XKR6: variants seen among roughly 807,000 people sequenced by gnomAD.
XKR6 encodes XK related 6, also known as XK-related protein 6.
In XKR6, 22 loss-of-function variants were observed where a neutral mutation model predicts 56.7. That is an observed-to-expected ratio of 0.39 (90% CI 0.28 to 0.55). XKR6 has a LOEUF of 0.55. XKR6 is among the 20% of genes least tolerant of loss of function. The pLI, the probability that XKR6 is intolerant of heterozygous loss-of-function variation, is 0.66. For synonymous variants in XKR6, 524 were observed against 387.8 expected (o/e 1.35, Z -4.13); for missense variants, 852 against 889.0 (o/e 0.96, Z 0.53).
chr8:11,159,521 A>T (rs1801690860), intron 1 of XKR6, among the ~76,000 whole-genome samples: 1 of 152,224 alleles, frequency 6.6e-6, no homozygotes, highest in Non-Finnish European at 1.5e-5. Flanking sequence ...ATGTGCTTTC[A>T]GGCAGGCTGG....
At chr8:11,054,425 C>T (rs1488341550) in intron 1 of XKR6, among the ~76,000 whole-genome samples, 1 of 152,244 alleles carries the variant, frequency 6.6e-6, no homozygotes, top group Non-Finnish European at 1.5e-5. Flanking sequence ...TCAAGTTGCA[C>T]ACTGCCCAAA....
At chr8:11,108,891 G>C (rs1798785986) in intron 1 of XKR6, 1 of 152,272 alleles carries the variant, frequency 6.6e-6, no homozygotes, top group African/African-American at 2.4e-5. Context: ...AGGATCCATA[G>C]ATTTCTTCAA....
chr8:11,104,932 A>G (rs1798621275), intron 1 of XKR6: 1 of 152,186 alleles, frequency 6.6e-6, no homozygotes, highest in South Asian at 2.1e-4. Flanking sequence ...GATTTCCAGA[A>G]AGAGTTCTCA....
chr8:11,002,603 A>G (rs1798268424), intron 1 of XKR6: 1 of 175,306 alleles, frequency 5.7e-6, no homozygotes, highest in South Asian at 9.5e-5. Context: ...CAGCACAGGA[A>G]GGCCTTTGGT....
chr8:11,004,107 G>C (rs1159058476), intron 1 of XKR6, among the ~76,000 whole-genome samples: 1 of 152,198 alleles, frequency 6.6e-6, no homozygotes, highest in African/African-American at 2.4e-5. Context: ...CAGAGATGGA[G>C]CGAAGTCTGG....
At position 11,200,783 on chromosome 8, in the gene XKR6, T is replaced by C; in HGVS notation, c.557A>G (p.Gln186Arg). Residue 186 changes from glutamine to arginine, a missense_variant, in exon 1 of 3, where the codon CAG becomes CGG. This residue lies in a region of XKR6 where 417 missense variants were observed against 355.2 expected (regional missense o/e 1.17). Transcript: ENST00000416569. This position sits in a 1 kb window ranked among gnomAD's most constrained non-coding sequence, Gnocchi z 6.4. Reference protein sequence around the residue: ...VQSLSFRWFVQDYTGGGLGAV... With the variant: ...VQSLSFRWFVRDYTGGGLGAV... ...GCCCAGCCCGCCGCCCGTGTAGTCC[T>C]GCACGAACCAGCGGAAGCTCAGGCT... The C allele has an allele frequency of 1.9e-6, 3 of 1,607,994 alleles. No individual in the cohort carries two copies. The highest frequency in any genetic ancestry group is 2.5e-6 in the Non-Finnish European group (3 of 1,178,060).
chr8:11,179,024 T>A (rs75450069), intron 1 of XKR6, among the ~76,000 whole-genome samples: 1 of 145,066 alleles, frequency 6.9e-6, no homozygotes, highest in Non-Finnish European at 1.5e-5. Flanking sequence ...CTTTTTCTTT[T>A]TTTTTTTTTT....
intron 1 of XKR6, among the ~76,000 whole-genome samples, chr8:11,199,331 T>G (rs1804068462): frequency 6.6e-6 from 1 of 152,212 alleles, no homozygotes; most frequent in Admixed American, 6.5e-5. Context: ...TTCTGAAACG[T>G]TTTTATTTAA....
At chr8:10,995,530 A>ATT (rs375937188) in intron 1 of XKR6, among the ~76,000 whole-genome samples, 5 of 148,050 alleles carry the variant, frequency 3.4e-5, no homozygotes, top group African/African-American at 7.5e-5. Flanking sequence ...ACACACATAT[A>ATT]TATATAAATT....
chr8:11,059,295 C>A (rs1586489271), intron 1 of XKR6, among the ~76,000 whole-genome samples: 1 of 152,158 alleles, frequency 6.6e-6, no homozygotes, highest in African/African-American at 2.4e-5. Flanking sequence ...CTTTGTTGAG[C>A]GAATGAATGA....
At chr8:11,196,528 T>C (rs928644544) in intron 1 of XKR6, among the ~76,000 whole-genome samples, 1 of 152,228 alleles carries the variant, frequency 6.6e-6, no homozygotes, top group Non-Finnish European at 1.5e-5. Context: ...TAGACACTCA[T>C]GCTTCCAAGG....
chr8:10,925,714 T>C (rs538148841), intron 1 of XKR6, among the ~76,000 whole-genome samples: 1 of 152,316 alleles, frequency 6.6e-6, no homozygotes, highest in East Asian at 1.9e-4. Context: ...ATCTTTCATA[T>C]GGGGACAGAA....
intron 1 of XKR6, among the ~76,000 whole-genome samples, chr8:11,160,334 T>C (rs1010772469): frequency 7.9e-5 from 12 of 151,818 alleles, no homozygotes; most frequent in Admixed American, 3.9e-4. Flanking sequence ...AGATGCAGCA[T>C]ATACAGATGA....
chr8:11,199,005 T>A (rs1228677554), intron 1 of XKR6, among the ~76,000 whole-genome samples: 2 of 152,198 alleles, frequency 1.3e-5, no homozygotes, highest in Admixed American at 6.5e-5. Context: ...GAATTTAGAT[T>A]TCAAATTTAA....
intron 1 of XKR6, chr8:11,128,743 A>T (rs1799952133): frequency 2.3e-6 from 1 of 428,838 alleles, no homozygotes; most frequent in South Asian, 1.7e-5. Context: ...TCTTCACATC[A>T]TCCTTTCCAA....
intron 1 of XKR6, among the ~76,000 whole-genome samples, chr8:11,144,642 G>A (rs567918265): frequency 2.4e-4 from 36 of 152,042 alleles, no homozygotes; most frequent in Non-Finnish European, 3.5e-4. Flanking sequence ...CAGATACCTC[G>A]ATATCTGCTT....
chr8:10,916,195 T>C (rs1005887573), intron 2 of XKR6, among the ~76,000 whole-genome samples: 1 of 152,220 alleles, frequency 6.6e-6, no homozygotes, highest in Admixed American at 6.5e-5. Context: ...TTATGCAATG[T>C]CGTTTGACGT....
chr8:10,934,903 G>A lies in XKR6; in HGVS notation c.765-10073C>T, dbSNP rs1184929517. On this transcript the variant is annotated intron_variant, in intron 1 of 2. Coordinates refer to ENST00000416569, the MANE Select transcript of XKR6 (RefSeq NM_173683.4). ...TGCCCGGCTTTGGTATCAGAATGAC[G>A]CTGGCCTCATAAAATGAGTTAGGGA... 8.6e-5 allele frequency among the ~76,000 whole-genome samples: 10 copies of A among 115,682 alleles called. 1 individual carries two copies. Among genetic ancestry groups the A allele is most frequent in the African/African-American group, 3.0e-4 (8 of 26,658 alleles). 75.9% of individuals were successfully genotyped at this position (115,682 alleles called of 152,430 possible).
At position 11,201,746 on chromosome 8, in the gene XKR6, C is replaced by T. The variant is rs1343073757; in HGVS notation, c.-407G>A. 1.3e-5 allele frequency among the ~76,000 whole-genome samples: 2 copies of T among 152,220 alleles called. No homozygotes were observed. Among genetic ancestry groups the T allele is most frequent in the African/African-American group, 4.8e-5 (2 of 41,468 alleles). On this transcript the variant is annotated 5_prime_UTR_variant, in exon 1 of 3. Transcript: ENST00000416569. ...CCCGAGTGAGGCGGTCCAAAGTGAT[C>T]CCTGGAGGGGGCAGTGCCAGACGTT...
Sources: allele counts gnomAD v4.1 joint callset (sites outside exome capture counted in the v4.1 genomes callset), GRCh38; gene constraint gnomAD v4.1.1; regional missense constraint gnomAD v4.1.1; non-coding constraint Gnocchi (gnomAD v3.1); transcripts MANE v1.5; gene names NCBI Gene and HGNC (gene_info 2026-07-23, HGNC 2026-07-21).